Variants in SELENOS observed in about 807,000 individuals in gnomAD.
SELENOS encodes VCP interacting membrane selenoprotein.
A neutral mutation model predicts 30.2 loss-of-function variants in SELENOS; 37 were observed. That is an observed-to-expected ratio of 1.23 (90% CI 0.94 to 1.61). The LOEUF (loss-of-function observed/expected upper bound fraction) is 1.61, where lower values mean the gene tolerates loss of function less well. SELENOS is among the 40% of genes most tolerant of loss of function. SELENOS has a pLI of 0.00. For missense variants in SELENOS, 289 were observed against 231.8 expected (o/e 1.25, Z -1.60); for synonymous variants, 119 against 91.6 (o/e 1.30, Z -1.71).
intron 2 of SELENOS, among the ~76,000 whole-genome samples, chr15:101,276,242 CT>C (rs34035984): frequency 0.26 from 32,158 of 122,446 alleles, 6,060 homozygotes; most frequent in African/African-American, 0.53. Context: ...ATACTTCCTA[CT>C]TTTTTTTTTT....
At chr15:101,273,659 T>C (rs1465459583) in intron 5 of SELENOS, among the ~76,000 whole-genome samples, 1 of 152,152 alleles carries the variant, frequency 6.6e-6, no homozygotes, top group East Asian at 1.9e-4. Flanking sequence ...TGCATCACCT[T>C]CTCTACAGCA....
In SELENOS at chr15:101,276,637, A is replaced by G; in HGVS notation, c.115T>C (p.Phe39Leu). 1 of 1,613,730 alleles carries G rather than the reference A, an allele frequency of 6.2e-7. No individual in the cohort carries two copies. Among genetic ancestry groups the G allele is most frequent in the Non-Finnish European group, 8.5e-7 (1 of 1,179,816 alleles). Residue 39 changes from phenylalanine to leucine, a missense_variant, in exon 2 of 6, where the codon TTC becomes CTC. Coordinates refer to ENST00000526049, the MANE Select transcript of SELENOS (RefSeq NM_018445.6). ...ACCACGTAGAGAAGGATGCAGCTGA[A>G]GACGATGTACCAGCCATAGGTGGCC... Reference protein sequence around the residue: ...LLATYGWYIVFSCILLYVVFQ... With the variant: ...LLATYGWYIVLSCILLYVVFQ...
At chr15:101,275,678 A>G (rs2039318079) in intron 2 of SELENOS, among the ~76,000 whole-genome samples, 1 of 152,176 alleles carries the variant, frequency 6.6e-6, no homozygotes, top group Non-Finnish European at 1.5e-5. Flanking sequence ...CATCTTGGAT[A>G]CCTCAGTGAC....
downstream of SELENOS, chr15:101,271,237 A>G (rs182060588): frequency 2.0e-5 from 3 of 152,360 alleles, no homozygotes; most frequent in African/African-American, 7.2e-5. Flanking sequence ...CTTATAACCT[A>G]CAAGGGGTTC....
intron 1 of SELENOS, chr15:101,276,904 G>T: frequency 1.8e-6 from 1 of 557,664 alleles, no homozygotes; most frequent in Non-Finnish European, 3.2e-6. Flanking sequence ...GGGGCAGTTA[G>T]AGTGTGGAGG....
intron 2 of SELENOS, among the ~76,000 whole-genome samples, chr15:101,275,650 T>C (rs554170517): frequency 2.6e-5 from 4 of 152,296 alleles, no homozygotes; most frequent in South Asian, 4.1e-4. Flanking sequence ...AAGCCTGGGA[T>C]AGTGGCCACA....
Position 101,272,678 on chromosome 15 carries a change from T to G in SELENOS, c.*93A>C. 7.5e-7 allele frequency: 1 copy of G among 1,332,962 alleles called. No homozygotes were observed. Among genetic ancestry groups the G allele is most frequent in the Non-Finnish European group, 1.1e-6 (1 of 951,542 alleles). The allele number at this position is 1,332,962 out of a possible 1,614,324, so 82.6% of individuals were successfully genotyped here. A position where few individuals can be genotyped will look rare whatever the true frequency, so the allele number is the denominator to read the frequency against. ...GAACAGAAATCAACCCCACCTCCCC[T>G]TGGCTAGTCACTGTGAAAAGCGTGC... On this transcript the variant is annotated 3_prime_UTR_variant, in exon 6 of 6. Transcript: ENST00000526049.
chr15:101,275,076 C>T, intron 3 of SELENOS, 179 bp downstream of exon 3: 1 of 597,342 alleles, frequency 1.7e-6, no homozygotes, highest in Non-Finnish European at 2.9e-6. Context: ...TGTTCCCTAA[C>T]AATCGTGTAT....
chr15:101,274,764 T>C (rs1596465562), intron 3 of SELENOS, 83 bp from the exon 4 acceptor site: 2 of 1,347,966 alleles, frequency 1.5e-6, no homozygotes, highest in African/African-American at 1.5e-5. Flanking sequence ...TAATTCTTAA[T>C]TTAAATGTCT....
chr15:101,275,386 A>T, intron 2 of SELENOS, 25 bp from the exon 3 acceptor site: 1 of 1,531,126 alleles, frequency 6.5e-7, no homozygotes, highest in Non-Finnish European at 8.8e-7. Context: ...AAAAATGGAG[A>T]TAAAGCACTG....
intron 4 of SELENOS, 25 bp downstream of exon 4, chr15:101,274,567 C>T (rs952880815): frequency 6.2e-7 from 1 of 1,611,910 alleles, no homozygotes; most frequent in Non-Finnish European, 8.5e-7. Context: ...CTACCGCATG[C>T]CAGCCGGCCG....
chr15:101,272,015 G>A (rs1370794847), downstream of SELENOS, among the ~76,000 whole-genome samples: 2 of 152,170 alleles, frequency 1.3e-5, no homozygotes, highest in African/African-American at 4.8e-5. Flanking sequence ...AGCCTATGAG[G>A]AACCTTGAGG....
At chr15:101,274,301 C>A in intron 5 of SELENOS, 119 bp downstream of exon 5, 1 of 1,193,258 alleles carries the variant, frequency 8.4e-7, no homozygotes, top group Non-Finnish European at 1.2e-6. Flanking sequence ...TGAATCTTCA[C>A]AATCCTAAGG....
intron 2 of SELENOS, chr15:101,276,305 G>T: frequency 6.8e-6 from 2 of 293,148 alleles, no homozygotes; most frequent in Non-Finnish European, 1.2e-5. Flanking sequence ...GGAGTGTAGT[G>T]TGGCCCGAGC....
downstream of SELENOS, chr15:101,271,557 A>C (rs534882055): frequency 3.7e-4 from 57 of 152,390 alleles, no homozygotes; most frequent in African/African-American, 1.3e-3. Context: ...TCCTTCAGCC[A>C]TTCTCCAGAG....
At position 101,277,439 on chromosome 15, in the gene SELENOS, C is replaced by A; in HGVS notation, c.-22G>T. 1 of 1,441,354 alleles carries A rather than the reference C, an allele frequency of 6.9e-7. No individual in the cohort carries two copies. The highest frequency in any genetic ancestry group is 9.0e-7 in the Non-Finnish European group (1 of 1,105,720). 89.3% of individuals were successfully genotyped at this position (1,441,354 alleles called of 1,614,324 possible). A position where few individuals can be genotyped will look rare whatever the true frequency, so the allele number is the denominator to read the frequency against. ...CCATGACCGCCGCCGCCGCCGCCGC[C>A]CAGCCCTGCCGCCGCGCCTCCAGCC... On this transcript the variant is annotated 5_prime_UTR_variant, in exon 1 of 6. Coordinates refer to ENST00000526049, the MANE Select transcript of SELENOS (RefSeq NM_018445.6).
Position 101,276,669 on chromosome 15 carries a change from G to C in SELENOS, c.83C>G (p.Ser28Cys), listed in dbSNP as rs558840204. ...GLRFLHTTVGSLLATYGWYIV... is the reference protein window; with the variant it reads ...GLRFLHTTVGCLLATYGWYIV... ...GTACCAGCCATAGGTGGCCAGCAGGGAGCCCACTGAAAAGAAAAACAGTTT... is the reference window on the plus strand; with the variant it reads ...GTACCAGCCATAGGTGGCCAGCAGGCAGCCCACTGAAAAGAAAAACAGTTT... Residue 28 changes from serine (S) to cysteine (C), a missense_variant, in exon 2 of 6, where the codon TCC (serine) becomes TGC (cysteine). Ser to Cys is a moderately radical substitution (Grantham distance 112, BLOSUM62 -1). Transcript: ENST00000526049. 2 of 1,602,308 alleles carry C rather than the reference G, an allele frequency of 1.2e-6. No homozygotes were observed. The highest frequency in any genetic ancestry group is 1.8e-5 in the Admixed American group (1 of 55,874).
intron 3 of SELENOS, 174 bp downstream of exon 3, chr15:101,275,081 G>A (rs1445580552): frequency 6.7e-6 from 4 of 599,230 alleles, no homozygotes; most frequent in South Asian, 2.3e-5. Flanking sequence ...CCTAACAATC[G>A]TGTATTCTTC....
downstream of SELENOS, among the ~76,000 whole-genome samples, chr15:101,271,959 G>C (rs1191599662): frequency 2.0e-5 from 3 of 152,324 alleles, no homozygotes; most frequent in South Asian, 6.2e-4. Context: ...TAAAAGATGA[G>C]TCATGGCGTA....
Sources: gnomAD v4.1 joint callset for allele counts (sites outside exome capture counted in the v4.1 genomes callset) on GRCh38, gnomAD v4.1.1 for gene constraint, MANE v1.5 for transcripts, NCBI Gene and HGNC (gene_info 2026-07-23, HGNC 2026-07-21) for gene names.